The following SNRPB variants were observed in gnomAD, a reference collection of about 807,000 sequenced individuals.
SNRPB encodes small nuclear ribonucleoprotein-associated proteins B and B'.
A neutral mutation model predicts 26.6 loss-of-function variants in SNRPB; 5 were observed. The observed-to-expected ratio is 0.19, with a 90% confidence interval of 0.10 to 0.39. The LOEUF is 0.39. Among genes scored for constraint, SNRPB ranks in the 10% least tolerant of loss-of-function variants. The probability of loss-of-function intolerance (pLI) is 1.00; values close to 1 mark genes in which losing one functional copy is unlikely to be tolerated. For missense variants in SNRPB, 211 were observed against 311.9 expected (o/e 0.68, Z 2.44); for synonymous variants, 122 against 105.8 (o/e 1.15, Z -0.94).
rs754477971 is a variant in SNRPB, at chr20:2,470,755, C to T, written c.-65G>A. ...CTCCTCAGAGGCCTAGCCTCTCTCC[C>T]ACAGCCGATTTCCCGCCGCCGCTAC... On this transcript the variant is annotated 5_prime_UTR_variant, in exon 1 of 7. Coordinates refer to ENST00000381342, the MANE Select transcript of SNRPB (RefSeq NM_003091.4). 1.2e-4 allele frequency: 188 copies of T among 1,598,214 alleles called. No homozygotes were observed. Among genetic ancestry groups the T allele is most frequent in the Non-Finnish European group, 1.3e-4 (151 of 1,169,438 alleles).
Position 2,463,018 on chromosome 20 carries a change from T to G in SNRPB, c.559+71A>C. ...AACTCATCATCAGCTTCAGTCAAGG[T>G]TATATCTCATCATTAATCCAGCTAA... On this transcript the variant is annotated intron_variant, in intron 5 of 6. Coordinates refer to ENST00000381342, the MANE Select transcript of SNRPB (RefSeq NM_003091.4). This position sits in a 1 kb window ranked among gnomAD's most constrained non-coding sequence, Gnocchi z 5.0. The G allele has an allele frequency of 7.5e-7, 1 of 1,325,048 alleles. No individual in the cohort carries two copies. Among genetic ancestry groups the G allele is most frequent in the Non-Finnish European group, 1.0e-6 (1 of 960,030 alleles). 82.1% of individuals were successfully genotyped at this position (1,325,048 alleles called of 1,614,324 possible).
chr20:2,465,609 G>C lies in SNRPB; in HGVS notation c.267+99C>G. On this transcript the variant is annotated intron_variant, in intron 3 of 6. Coordinates refer to ENST00000381342, the MANE Select transcript of SNRPB (RefSeq NM_003091.4). ...TATCTGAAAAAGGGGGCAAAATCCA[G>C]AGGATGCCTGTGAGAACTGCAATGA... 3 of 818,364 alleles carry C rather than the reference G, an allele frequency of 3.7e-6. No individual in the cohort carries two copies. The South Asian group carries it at 4.8e-5, about 13-fold the overall frequency. 50.7% of individuals were successfully genotyped at this position (818,364 alleles called of 1,614,324 possible).
chr20:2,465,568 T>A (rs569412479), intron 3 of SNRPB, 140 bp downstream of exon 3: 1 of 633,536 alleles, frequency 1.6e-6, no homozygotes, highest in Middle Eastern at 4.3e-4. Context: ...GGTAACCTCT[T>A]TAAGATTTCA....
At chr20:2,465,029 C>T (rs141784041) in intron 3 of SNRPB, among the ~76,000 whole-genome samples, 4 of 152,190 alleles carry the variant, frequency 2.6e-5, no homozygotes, top group Non-Finnish European at 5.9e-5. Context: ...CACTTAGTGG[C>T]TGTGGCACCT....
chr20:2,465,926 C>T lies in SNRPB; in HGVS notation c.156-107G>A, dbSNP rs538067105. ...ATACTGCATCTCCTAACAAACAGTA[C>T]ACAAACTTTCCCAAGATAGCCCTCC... is the stretch of plus-strand genomic sequence containing the variant. On this transcript the variant is annotated intron_variant, in intron 2 of 6. Coordinates refer to ENST00000381342, the MANE Select transcript of SNRPB (RefSeq NM_003091.4). 1.3e-5 allele frequency: 10 copies of T among 775,386 alleles called. No homozygotes were observed. In the African/African-American group the frequency reaches 1.4e-4, roughly 11 times the overall value. 48.0% of individuals were successfully genotyped at this position (775,386 alleles called of 1,614,324 possible).
chr20:2,465,520 G>C (rs886191749), intron 3 of SNRPB, among the ~76,000 whole-genome samples, 188 bp downstream of exon 3: 49 of 151,630 alleles, frequency 3.2e-4, no homozygotes, highest in African/African-American at 1.1e-3. Context: ...TGAGAGCTGG[G>C]ATTACAGATG....
chr20:2,464,315 C>T (rs573037394), intron 3 of SNRPB, among the ~76,000 whole-genome samples: 3 of 152,292 alleles, frequency 2.0e-5, no homozygotes, highest in South Asian at 2.1e-4. Context: ...CTGCAAATGA[C>T]ATGGTTATGG....
chr20:2,462,557 C>G lies in SNRPB; in HGVS notation c.685+79G>C, dbSNP rs2085042383. 4.8e-5 allele frequency: 58 copies of G among 1,219,902 alleles called. No individual in the cohort carries two copies. In the South Asian group the frequency reaches 7.0e-4, roughly 15 times the overall value. The allele number at this position is 1,219,902 out of a possible 1,614,324, so 75.6% of individuals were successfully genotyped here. A position where few individuals can be genotyped will look rare whatever the true frequency, so the allele number is the denominator to read the frequency against. ...GGCTTGAAAGCCCATGGGATATGAT[C>G]TAAATGCAATCTTCCCTCCATTTCC... On this transcript the variant is annotated intron_variant, in intron 6 of 6. Coordinates refer to ENST00000381342, the MANE Select transcript of SNRPB (RefSeq NM_003091.4).
In SNRPB at chr20:2,463,686, C is replaced by A. The variant is rs200001472; in HGVS notation, c.420+61G>T. 2,538 of 1,271,148 alleles carry A rather than the reference C, an allele frequency of 2.0e-3. 10 individuals carry two copies. The highest frequency in any genetic ancestry group is 0.01 in the Middle Eastern group (35 of 3,494). 78.7% of individuals were successfully genotyped at this position (1,271,148 alleles called of 1,614,324 possible). ...CTCTGGACCCTTTTAAAACTATGGACCCTCCCCTTTATCCTTTATTTTAGC... is the reference window on the plus strand; with the variant it reads ...CTCTGGACCCTTTTAAAACTATGGAACCTCCCCTTTATCCTTTATTTTAGC... On this transcript the variant is annotated intron_variant, in intron 4 of 6. Transcript: ENST00000381342. The surrounding 1 kb of genome is among the most constrained non-coding windows in gnomAD (Gnocchi z 5.0).
intron 1 of SNRPB, among the ~76,000 whole-genome samples, chr20:2,468,786 C>T (rs540821988): frequency 7.2e-5 from 11 of 152,244 alleles, no homozygotes; most frequent in Admixed American, 4.6e-4. Flanking sequence ...ATTAGCCACA[C>T]GTGGTGGCAG....
At chr20:2,468,142 C>T (rs2085086780) in intron 1 of SNRPB, among the ~76,000 whole-genome samples, 2 of 152,186 alleles carry the variant, frequency 1.3e-5, no homozygotes, top group South Asian at 4.1e-4. Flanking sequence ...ACATTCAAAT[C>T]TCATTAAAAA....
intron 6 of SNRPB, 87 bp from the exon 7 acceptor site, chr20:2,462,026 TC>T: frequency 1.1e-6 from 1 of 908,334 alleles, no homozygotes; most frequent in Non-Finnish European, 1.8e-6. Context: ...CCTGCAGTAA[TC>T]GAGTGAGGAG....
In SNRPB at chr20:2,463,436, A is replaced by G. The variant is rs982230939; in HGVS notation, c.421-209T>C. On this transcript the variant is annotated intron_variant, in intron 4 of 6. Coordinates refer to ENST00000381342, the MANE Select transcript of SNRPB (RefSeq NM_003091.4). This position sits in a 1 kb window ranked among gnomAD's most constrained non-coding sequence, Gnocchi z 5.0. Reference sequence around the variant, plus strand: ...CTCCCATCTTCTAGACCTGAATGTAAGCATGTCCAATCCAAGTGAGAGAAG... The same window carrying G: ...CTCCCATCTTCTAGACCTGAATGTAGGCATGTCCAATCCAAGTGAGAGAAG... Among the ~76,000 whole-genome samples, 1 of 152,246 alleles carries G rather than the reference A, an allele frequency of 6.6e-6. No individual in the cohort carries two copies. The highest frequency in any genetic ancestry group is 1.5e-5 in the Non-Finnish European group (1 of 68,044).
chr20:2,467,970 C>A (rs2085085887), intron 1 of SNRPB, among the ~76,000 whole-genome samples: 1 of 152,230 alleles, frequency 6.6e-6, no homozygotes, highest in South Asian at 2.1e-4. Flanking sequence ...GCTATTCTCT[C>A]TTCCCTTGAA....
intron 3 of SNRPB, among the ~76,000 whole-genome samples, chr20:2,465,426 T>C (rs2085066376): frequency 6.6e-6 from 1 of 151,376 alleles, no homozygotes; most frequent in South Asian, 2.1e-4. Context: ...TTTCTTCCTT[T>C]TTCTGGAGAA....
Position 2,463,282 on chromosome 20 carries a change from ACT to A in SNRPB, c.421-57_421-56del. 7.1e-7 allele frequency: 1 copy of A among 1,398,932 alleles called. No individual in the cohort carries two copies. The highest frequency in any genetic ancestry group is 1.0e-6 in the Non-Finnish European group (1 of 985,208). 86.7% of individuals were successfully genotyped at this position (1,398,932 alleles called of 1,614,324 possible). Reference sequence around the variant, plus strand: ...AGAGTACAGTACAATGCAGCTTCCCACTCTCCTCCCCAACTTGGGGAAGGACA... The same window carrying A: ...AGAGTACAGTACAATGCAGCTTCCCACTCCTCCCCAACTTGGGGAAGGACA... On this transcript the variant is annotated intron_variant, in intron 4 of 6. Transcript: ENST00000381342. This position sits in a 1 kb window ranked among gnomAD's most constrained non-coding sequence, Gnocchi z 5.0.
chr20:2,464,520 T>C (rs2122487869), intron 3 of SNRPB, among the ~76,000 whole-genome samples: 1 of 152,342 alleles, frequency 6.6e-6, no homozygotes, highest in East Asian at 1.9e-4. Context: ...TAGGATAAAC[T>C]ACTCTGTACT....
At position 2,463,196 on chromosome 20, in the gene SNRPB, G is replaced by C. The variant is rs746944646; in HGVS notation, c.452C>G (p.Ala151Gly). Residue 151 changes from alanine to glycine, a missense_variant, in exon 5 of 7, where the codon GCA becomes GGA. Physicochemically the swap from Ala to Gly is moderately conservative, Grantham distance 60 (BLOSUM62 0). Coordinates refer to ENST00000381342, the MANE Select transcript of SNRPB (RefSeq NM_003091.4). The surrounding 1 kb of genome is among the most constrained non-coding windows in gnomAD (Gnocchi z 5.0). ...VMTPQGRGTVAAAAAAATASI... is the reference protein window; with the variant it reads ...VMTPQGRGTVGAAAAAATASI... ...GGCTGTGGCAGCAGCTGCAGCGGCTGCAACAGTACCTCTTCCTTGTGGGGT... is the reference window on the plus strand; with the variant it reads ...GGCTGTGGCAGCAGCTGCAGCGGCTCCAACAGTACCTCTTCCTTGTGGGGT... The C allele has an allele frequency of 6.2e-7, 1 of 1,612,778 alleles. No homozygotes were observed. The highest frequency in any genetic ancestry group is 2.2e-5 in the East Asian group (1 of 44,888).
At chr20:2,464,470 A>T (rs1047809849) in intron 3 of SNRPB, among the ~76,000 whole-genome samples, 2 of 152,222 alleles carry the variant, frequency 1.3e-5, no homozygotes, top group African/African-American at 2.4e-5. Context: ...TTTTAACTGG[A>T]AAAGGCAAAA....
Sources: gnomAD v4.1 joint callset for allele counts (sites outside exome capture counted in the v4.1 genomes callset) on GRCh38, gnomAD v4.1.1 for gene constraint, Gnocchi (gnomAD v3.1) non-coding constraint, MANE v1.5 for transcripts, NCBI Gene and HGNC (gene_info 2026-07-23, HGNC 2026-07-21) for gene names.